Variants in CDH18 observed in about 807,000 individuals in gnomAD.
CDH18 encodes cadherin-18.
Under a neutral mutation model 67.9 loss-of-function variants are expected in CDH18, and 31 were observed. That is an observed-to-expected ratio of 0.46 (90% CI 0.34 to 0.62). CDH18 has a LOEUF of 0.62. Among genes scored for constraint, CDH18 ranks in the 20% least tolerant of loss-of-function variants. CDH18 has a pLI of 0.01. For synonymous variants in CDH18, 362 were observed against 347.2 expected, an observed-to-expected ratio of 1.04 and a Z score of -0.48; for missense variants, 890 against 975.5, an observed-to-expected ratio of 0.91 and a Z score of 1.17.
chr5:19,765,429 C>A (rs376071222), intron 3 of CDH18, among the ~76,000 whole-genome samples: 2 of 150,740 alleles, frequency 1.3e-5, no homozygotes, highest in Admixed American at 1.3e-4. Context: ...AAAAGTTATT[C>A]AAAAATTATT....
At chr5:19,644,722 G>A (rs895118513) in intron 5 of CDH18, among the ~76,000 whole-genome samples, 1 of 152,132 alleles carries the variant, frequency 6.6e-6, no homozygotes, top group African/African-American at 2.4e-5. Flanking sequence ...GGTATGACCC[G>A]TGAAGCATCT....
chr5:19,721,581 T>C, intron 4 of CDH18, 115 bp from the exon 5 acceptor site: 1 of 773,870 alleles, frequency 1.3e-6, no homozygotes, highest in Non-Finnish European at 1.9e-6. Flanking sequence ...GGTTGTGTCC[T>C]AGTAAATTTA....
chr5:19,705,912 TC>T (rs1164219779), intron 5 of CDH18, among the ~76,000 whole-genome samples: 1 of 152,118 alleles, frequency 6.6e-6, no homozygotes, highest in Admixed American at 6.5e-5. Flanking sequence ...CTAATTGGGT[TC>T]TCCCTAAAAT....
chr5:19,631,935 G>A lies in CDH18; in HGVS notation c.644-19334C>T, dbSNP rs932767246. On this transcript the variant is annotated intron_variant, in intron 5 of 12. Coordinates refer to ENST00000382275, the MANE Select transcript of CDH18 (RefSeq NM_004934.5). The stretch of plus-strand genomic sequence containing the variant: ...ATAAATGATTTATTTCGGTCATACA[G>A]TATAGTTGAGGGTTTAGAGTAGTAG... 4.6e-5 allele frequency among the ~76,000 whole-genome samples: 7 copies of A among 152,166 alleles called. 1 individual carries two copies. Among genetic ancestry groups the A allele is most frequent in the Admixed American group, 4.6e-4 (7 of 15,280 alleles).
chr5:20,575,642 G>A (rs531733635), exon 1 of CDH18: 1 of 152,184 alleles, frequency 6.6e-6, no homozygotes, highest in African/African-American at 2.4e-5. Context: ...AAAAAGAAAG[G>A]CACCTCAGTA....
intron 2 of CDH18, among the ~76,000 whole-genome samples, chr5:20,119,247 A>C (rs1240856727): frequency 6.6e-6 from 1 of 152,188 alleles, no homozygotes; most frequent in Middle Eastern, 3.2e-3. Context: ...TTCTTCCCTC[A>C]GAACAAAATT....
chr5:19,740,431 A>G (rs1476661801), intron 4 of CDH18, among the ~76,000 whole-genome samples: 2 of 152,166 alleles, frequency 1.3e-5, no homozygotes, highest in Admixed American at 1.3e-4. Flanking sequence ...ATACAGTTAT[A>G]GAAACTCCTG....
At chr5:20,422,887 T>G (rs1747974137) in intron 1 of CDH18, among the ~76,000 whole-genome samples, 1 of 151,046 alleles carries the variant, frequency 6.6e-6, no homozygotes, top group Non-Finnish European at 1.5e-5. Context: ...GAAGGTTGGT[T>G]GGGAAGGTTG....
chr5:19,762,944 T>C (rs528784689), intron 3 of CDH18, among the ~76,000 whole-genome samples: 10 of 152,314 alleles, frequency 6.6e-5, no homozygotes, highest in African/African-American at 2.2e-4. Context: ...TCCTGTCCTT[T>C]GTAGGGACAT....
At chr5:20,501,539 ATACATAT>A in intron 1 of CDH18, among the ~76,000 whole-genome samples, 1 of 43,668 alleles carries the variant, frequency 2.3e-5, no homozygotes, top group Admixed American at 5.3e-4. Flanking sequence ...TATATATTAT[ATACATAT>A]TATATATATA....
intron 1 of CDH18, among the ~76,000 whole-genome samples, chr5:20,494,141 T>C (rs1209648719): frequency 6.6e-6 from 1 of 152,248 alleles, no homozygotes; most frequent in Non-Finnish European, 1.5e-5. Flanking sequence ...AAACTAGTTA[T>C]GCTACTATTT....
intron 2 of CDH18, among the ~76,000 whole-genome samples, chr5:20,056,814 GC>G (rs1742030212): frequency 6.7e-6 from 1 of 150,092 alleles, no homozygotes; most frequent in South Asian, 2.1e-4. Flanking sequence ...CTCCCGAGTA[GC>G]TGGGACTACC....
At chr5:19,647,265 A>T (rs908988129) in intron 5 of CDH18, among the ~76,000 whole-genome samples, 4 of 152,066 alleles carry the variant, frequency 2.6e-5, no homozygotes, top group South Asian at 4.1e-4. Flanking sequence ...ACTCACGCCT[A>T]CAATCCCAGC....
intron 10 of CDH18, among the ~76,000 whole-genome samples, chr5:19,508,331 C>G (rs566584532): frequency 6.6e-5 from 10 of 152,158 alleles, no homozygotes; most frequent in Non-Finnish European, 1.0e-4. Context: ...ATCAAATTTT[C>G]TATCCCTTTG....
intron 6 of CDH18, among the ~76,000 whole-genome samples, chr5:19,596,720 G>A (rs1746232348): frequency 6.6e-6 from 1 of 152,130 alleles, no homozygotes; most frequent in East Asian, 1.9e-4. Context: ...TCCTGGTACA[G>A]GCAGATTATG....
At chr5:20,247,688 C>A (rs1396079205) in intron 2 of CDH18, among the ~76,000 whole-genome samples, 1 of 150,406 alleles carries the variant, frequency 6.6e-6, no homozygotes, top group Non-Finnish European at 1.5e-5. Context: ...CACTTGAACC[C>A]GGGAGGCAGA....
chr5:20,327,326 G>A (rs547580404), intron 1 of CDH18, among the ~76,000 whole-genome samples: 1 of 152,126 alleles, frequency 6.6e-6, no homozygotes, highest in South Asian at 2.1e-4. Flanking sequence ...TATGTAAAAT[G>A]TAGATTTACG....
intron 10 of CDH18, among the ~76,000 whole-genome samples, chr5:19,520,327 A>C (rs1023033048): frequency 2.0e-5 from 3 of 152,198 alleles, no homozygotes; most frequent in African/African-American, 7.2e-5. Flanking sequence ...AATCAAGTCC[A>C]TCAACCTCAT....
At chr5:20,241,119 A>G (rs1304747794) in intron 2 of CDH18, among the ~76,000 whole-genome samples, 1 of 152,228 alleles carries the variant, frequency 6.6e-6, no homozygotes, top group African/African-American at 2.4e-5. Flanking sequence ...TGTAATGGAT[A>G]TGAACACAAA....
Sources: gnomAD v4.1 joint callset for allele counts (sites outside exome capture counted in the v4.1 genomes callset) on GRCh38, gnomAD v4.1.1 for gene constraint, MANE v1.5 for transcripts, NCBI Gene and HGNC (gene_info 2026-07-23, HGNC 2026-07-21) for gene names.